Variants in RNFT2 observed in about 807,000 individuals in gnomAD.
RNFT2 encodes the protein ring finger protein, transmembrane 2, also known as E3 ubiquitin-protein ligase RNFT2.
RNFT2 carries 36 observed loss-of-function variants against 53.0 expected under a neutral mutation model. That is an observed-to-expected ratio of 0.68 (90% confidence interval 0.52 to 0.90). RNFT2 has a LOEUF of 0.90. RNFT2 is among the 40% of genes least tolerant of loss of function. RNFT2 has a pLI of 0.00. For missense variants in RNFT2, 514 were observed against 585.6 expected (o/e 0.88, Z 1.26); for synonymous variants, 260 against 253.2 (o/e 1.03, Z -0.26).
At chr12:116,777,259 G>A (rs1873473067) in intron 6 of RNFT2, among the ~76,000 whole-genome samples, 1 of 152,018 alleles carries the variant, frequency 6.6e-6, no homozygotes, top group Non-Finnish European at 1.5e-5. Context: ...TAGAGTCTTT[G>A]GGAAGACAAC....
intron 5 of RNFT2, among the ~76,000 whole-genome samples, chr12:116,757,023 G>A (rs1872537361): frequency 6.6e-6 from 1 of 151,982 alleles, no homozygotes; most frequent in Non-Finnish European, 1.5e-5. Context: ...GGTCTGTTTA[G>A]GGTATCTAGT....
chr12:116,765,944 C>A (rs946018726), intron 5 of RNFT2, among the ~76,000 whole-genome samples: 1 of 152,030 alleles, frequency 6.6e-6, no homozygotes, highest in African/African-American at 2.4e-5. Flanking sequence ...TCAGTCCTAC[C>A]CCTTAGCAAG....
chr12:116,823,971 G>T (rs924398675), intron 7 of RNFT2, among the ~76,000 whole-genome samples: 1 of 152,190 alleles, frequency 6.6e-6, no homozygotes, highest in African/African-American at 2.4e-5. Flanking sequence ...GGAAGAGACA[G>T]AATCAGAATT....
At chr12:116,758,322 T>C (rs1285497543) in intron 5 of RNFT2, among the ~76,000 whole-genome samples, 2 of 152,222 alleles carry the variant, frequency 1.3e-5, no homozygotes, top group Non-Finnish European at 2.9e-5. Context: ...TTACATTCAA[T>C]GTTAGTATTG....
intron 3 of RNFT2, among the ~76,000 whole-genome samples, chr12:116,743,010 G>T (rs1871683519): frequency 6.8e-6 from 1 of 147,986 alleles, no homozygotes; most frequent in Non-Finnish European, 1.5e-5. Flanking sequence ...GAGCCCAGGA[G>T]GTGGAGGTTG....
intron 3 of RNFT2, among the ~76,000 whole-genome samples, chr12:116,743,135 G>A (rs1190898108): frequency 7.3e-6 from 1 of 136,652 alleles, no homozygotes; most frequent in East Asian, 2.2e-4. Flanking sequence ...TTGGGGTTAT[G>A]GGCTCTGGAT....
chr12:116,837,412 C>A (rs970610472), intron 10 of RNFT2, among the ~76,000 whole-genome samples: 3 of 151,848 alleles, frequency 2.0e-5, no homozygotes, highest in African/African-American at 7.3e-5. Flanking sequence ...GCGATGAGTT[C>A]CAGGTTGGGA....
At chr12:116,834,257 A>G (rs1426444769) in intron 8 of RNFT2, among the ~76,000 whole-genome samples, 1 of 152,086 alleles carries the variant, frequency 6.6e-6, no homozygotes, top group Non-Finnish European at 1.5e-5. Context: ...AGCTGGGACT[A>G]CAGGCATCCA....
At chr12:116,788,661 T>C (rs1314403235) in intron 7 of RNFT2, among the ~76,000 whole-genome samples, 3 of 152,174 alleles carry the variant, frequency 2.0e-5, no homozygotes, top group African/African-American at 7.2e-5. Context: ...AGTTTGTTTG[T>C]TGATGGATCA....
chr12:116,745,217 C>T (rs1871838416), intron 3 of RNFT2, among the ~76,000 whole-genome samples: 1 of 149,198 alleles, frequency 6.7e-6, no homozygotes, highest in Non-Finnish European at 1.5e-5. Context: ...CTGTGTTGCC[C>T]AGGCTGGAGT....
chr12:116,768,051 C>T (rs1253206320), intron 6 of RNFT2, among the ~76,000 whole-genome samples: 1 of 151,168 alleles, frequency 6.6e-6, no homozygotes, highest in African/African-American at 2.4e-5. Context: ...ATAATAATTG[C>T]CTCTTGGTGG....
At chr12:116,785,249 C>CTGTGTGTGTGTGTGTGTG (rs56185708) in intron 7 of RNFT2, among the ~76,000 whole-genome samples, 4,778 of 139,076 alleles carry the variant, frequency 0.034, 221 homozygotes, top group African/African-American at 0.097. Flanking sequence ...TTACCTACTT[C>CTGTGTGTGTGTGTGTGTG]TGTGTGTGTG....
intron 10 of RNFT2, among the ~76,000 whole-genome samples, chr12:116,843,826 G>A (rs1210334915): frequency 2.0e-5 from 3 of 152,234 alleles, no homozygotes; most frequent in African/African-American, 4.8e-5. Flanking sequence ...CCCTAGTATC[G>A]CCAGACTTTC....
chr12:116,840,972 A>C (rs1034466135), intron 10 of RNFT2, among the ~76,000 whole-genome samples: 1 of 151,794 alleles, frequency 6.6e-6, no homozygotes, highest in Admixed American at 6.6e-5. Context: ...CATTTTCAGT[A>C]ATGTCATTTT....
intron 6 of RNFT2, among the ~76,000 whole-genome samples, chr12:116,771,329 G>A (rs1461735626): frequency 6.6e-6 from 1 of 151,432 alleles, no homozygotes; most frequent in South Asian, 2.1e-4. Flanking sequence ...GCATGGTGGC[G>A]TGCACCTATA....
chr12:116,845,106 TG>T (rs1433073476), intron 10 of RNFT2, among the ~76,000 whole-genome samples: 1 of 151,598 alleles, frequency 6.6e-6, no homozygotes, highest in Non-Finnish European at 1.5e-5. Context: ...TAGCCAGGCA[TG>T]GTGGCACGTG....
rs774198334 is a variant in RNFT2, at chr12:116,750,000, G to C, written c.243G>C (p.Ser81=). The change falls in exon 4 of 11, where the codon TCG becomes TCC. Residue 81 remains serine (S), a synonymous_variant. Transcript: ENST00000257575. ...SFPSSLVLGS[S]AGGGDVFIQM... is the part of the protein sequence containing the mutation. ...CCTCCAGCCTGGTGCTGGGCTCCTC[G>C]GCTGGCGGCGGGGACGTGTTCATCC... is the stretch of plus-strand genomic sequence containing the variant. The C allele has an allele frequency of 1.3e-6, 2 of 1,557,400 alleles. No individual in the cohort carries two copies. Among genetic ancestry groups the C allele is most frequent in the South Asian group, 1.2e-5 (1 of 84,578 alleles).
intron 8 of RNFT2, among the ~76,000 whole-genome samples, chr12:116,834,711 G>A (rs1876866284): frequency 6.6e-6 from 1 of 151,994 alleles, no homozygotes; most frequent in African/African-American, 2.4e-5. Context: ...GTATTTTTGA[G>A]GTTCATCCAC....
chr12:116,793,210 CTTT>C (rs35482097), intron 7 of RNFT2, among the ~76,000 whole-genome samples: 15 of 120,750 alleles, frequency 1.2e-4, no homozygotes, highest in African/African-American at 1.2e-4. Flanking sequence ...ATCCAGATAG[CTTT>C]TTTTTTTTTT....
Sources: gnomAD v4.1 joint callset for allele counts (sites outside exome capture counted in the v4.1 genomes callset) on GRCh38, gnomAD v4.1.1 for gene constraint, MANE v1.5 for transcripts, NCBI Gene and HGNC (gene_info 2026-07-23, HGNC 2026-07-21) for gene names.